The following UQCRC1 variants were observed in gnomAD, a reference collection of about 807,000 sequenced individuals.
UQCRC1 encodes the protein ubiquinol-cytochrome c reductase core protein 1.
In UQCRC1, 34 loss-of-function variants were observed where a neutral mutation model predicts 58.0. The observed-to-expected ratio is 0.59, with a 90% CI of 0.45 to 0.78. The LOEUF (loss-of-function observed/expected upper bound fraction) is 0.78. Ranked by LOEUF, UQCRC1 falls within the 30% of genes least tolerant of loss-of-function variation. The probability of loss-of-function intolerance (pLI) is 0.00; values close to 1 mark genes in which losing one functional copy is unlikely to be tolerated. For missense variants in UQCRC1, 610 were observed against 646.0 expected (o/e 0.94, Z 0.60); for synonymous variants, 276 against 248.8 (o/e 1.11, Z -1.03).
intron 2 of UQCRC1, 75 bp downstream of exon 2, chr3:48,609,087 A>G (rs2046438854): frequency 1.3e-6 from 2 of 1,531,610 alleles, no homozygotes; most frequent in Middle Eastern, 1.8e-4. Context: ...CTCGAGCCCA[A>G]GGTCACACCC....
chr3:48,603,551 T>A lies in UQCRC1; in HGVS notation c.706+13A>T. 1 of 1,613,100 alleles carries A rather than the reference T, an allele frequency of 6.2e-7. No individual in the cohort carries two copies. The highest frequency in any genetic ancestry group is 8.5e-7 in the Non-Finnish European group (1 of 1,179,802). Reference sequence around the variant, plus strand: ...ACCCCACTACCCAGGACTTCAGTGATTCCATCACTCACCTCCAGCTGCTGC... The same window carrying A: ...ACCCCACTACCCAGGACTTCAGTGAATCCATCACTCACCTCCAGCTGCTGC... On this transcript the variant is annotated intron_variant, in intron 6 of 12. Transcript: ENST00000203407.
chr3:48,602,261 C>A (rs2046373162), intron 6 of UQCRC1, among the ~76,000 whole-genome samples: 1 of 151,922 alleles, frequency 6.6e-6, no homozygotes, highest in African/African-American at 2.4e-5. Context: ...CTGTGTTAGC[C>A]AGGATGGTCT....
Position 48,600,543 on chromosome 3 carries a change from C to T in UQCRC1, c.1152G>A (p.Thr384=), listed in dbSNP as rs150460429. 78 of 1,614,086 alleles carry T rather than the reference C, an allele frequency of 4.8e-5. No homozygotes were observed. In the African/African-American group the frequency reaches 6.5e-4, roughly 14 times the overall value. The change falls in exon 10 of 13, where the codon ACG becomes ACA. Residue 384 remains threonine (T), a synonymous_variant. Transcript: ENST00000203407. ...GQWMRLCTSA[T]ESEVARGKNI... ...TTTTGCCCCGGGCCACCTCACTCTC[C>T]GTGGCACTGGTACACAGGCGCATCC...
intron 2 of UQCRC1, among the ~76,000 whole-genome samples, chr3:48,607,829 C>CT (rs111580530): frequency 0.032 from 4,566 of 143,754 alleles, 203 homozygotes; most frequent in African/African-American, 0.1. Flanking sequence ...TAAGTAATTT[C>CT]TTTTTTTTTT....
chr3:48,608,973 T>G (rs1452462303), intron 2 of UQCRC1, among the ~76,000 whole-genome samples, 189 bp downstream of exon 2: 1 of 152,204 alleles, frequency 6.6e-6, no homozygotes, highest in African/African-American at 2.4e-5. Flanking sequence ...TGTTGGCTTA[T>G]AGTGAAGATT....
intron 12 of UQCRC1, 23 bp downstream of exon 12, chr3:48,599,612 A>G (rs767199134): frequency 6.2e-7 from 1 of 1,613,064 alleles, no homozygotes; most frequent in African/African-American, 1.3e-5. Flanking sequence ...ATAAACAAAG[A>G]GCAGACCCCC....
chr3:48,603,462 C>G lies in UQCRC1; in HGVS notation c.706+102G>C. Reference sequence around the variant, plus strand: ...CTCAAGGTTAGGGTGGGAGCAGAGTCCCCTGGGGTGAAAGGTCCCCTATGG... The same window carrying G: ...CTCAAGGTTAGGGTGGGAGCAGAGTGCCCTGGGGTGAAAGGTCCCCTATGG... On this transcript the variant is annotated intron_variant, in intron 6 of 12. Transcript: ENST00000203407. 8.7e-6 allele frequency: 10 copies of G among 1,155,418 alleles called. No homozygotes were observed. The South Asian group carries it at 1.2e-4, about 14-fold the overall frequency. The allele number at this position is 1,155,418 out of a possible 1,614,324, so 71.6% of individuals were successfully genotyped here.
chr3:48,599,242 G>T, intron 12 of UQCRC1, 50 bp from the exon 13 acceptor site: 1 of 1,545,862 alleles, frequency 6.5e-7, no homozygotes, highest in South Asian at 1.2e-5. Context: ...CCTGCACAGG[G>T]ACACCTGGCC....
Position 48,609,148 on chromosome 3 carries a change from C to T in UQCRC1, c.210+14G>A. 1 of 1,598,084 alleles carries T rather than the reference C, an allele frequency of 6.3e-7. No individual in the cohort carries two copies. Among genetic ancestry groups the T allele is most frequent in the Non-Finnish European group, 8.6e-7 (1 of 1,168,478 alleles). ...AACCTGGAGGCCCTCTCCCCAAAAG[C>T]GTCCCCAACTCACCGTGCAAGTGGG... On this transcript the variant is annotated intron_variant, in intron 2 of 12. Transcript: ENST00000203407.
At chr3:48,599,306 G>C in intron 12 of UQCRC1, 114 bp from the exon 13 acceptor site, 1 of 1,226,514 alleles carries the variant, frequency 8.2e-7, no homozygotes, top group Non-Finnish European at 1.1e-6. Flanking sequence ...GACAGGCTTT[G>C]AGTGGAAAGA....
chr3:48,599,018 T>G lies in UQCRC1; in HGVS notation c.*110A>C. The stretch of plus-strand genomic sequence containing the variant: ...ATGACACACTTCTCAGCAGAGGATT[T>G]TATTGGTGGTCACCTGTGGCACAGG... On this transcript the variant is annotated 3_prime_UTR_variant, in exon 13 of 13. Coordinates refer to ENST00000203407, the MANE Select transcript of UQCRC1 (RefSeq NM_003365.3). 2.4e-6 allele frequency: 3 copies of G among 1,274,160 alleles called. No individual in the cohort carries two copies. Among genetic ancestry groups the G allele is most frequent in the Non-Finnish European group, 1.1e-6 (1 of 903,222 alleles). 78.9% of individuals were successfully genotyped at this position (1,274,160 alleles called of 1,614,324 possible). A position where few individuals can be genotyped will look rare whatever the true frequency, so the allele number is the denominator to read the frequency against.
chr3:48,609,296 G>A lies in UQCRC1; in HGVS notation c.76C>T (p.Leu26=). 1.9e-6 allele frequency: 3 copies of A among 1,608,144 alleles called. No homozygotes were observed. Among genetic ancestry groups the A allele is most frequent in the Non-Finnish European group, 2.6e-6 (3 of 1,176,320 alleles). ...VLLRARRSPA[L]LRTPALRSTA... is the part of the protein sequence containing the mutation. ...CTCCGCAAGGCTGGCGTCCGCAGCA[G>A]GGCCGGCTGTGGAAGGGAACAGCCG... Residue 26 remains leucine (L), a synonymous_variant, in exon 2 of 13, where the codon CTG becomes TTG. Coordinates refer to ENST00000203407, the MANE Select transcript of UQCRC1 (RefSeq NM_003365.3).
intron 6 of UQCRC1, among the ~76,000 whole-genome samples, 161 bp from the exon 7 acceptor site, chr3:48,601,628 G>C (rs2046367280): frequency 6.6e-6 from 1 of 152,214 alleles, no homozygotes; most frequent in Non-Finnish European, 1.5e-5. Context: ...TCCTCAGACA[G>C]ACCCTGCCTT....
Position 48,599,212 on chromosome 3 carries a change from C to G in UQCRC1, c.1379-20G>C. 6.3e-7 allele frequency: 1 copy of G among 1,583,604 alleles called. No homozygotes were observed. ...TGGGGCCTGTGGGGATAGGGTGGAG[C>G]GTCAGGGTGGGGTACCTGGCCTGCA... is the stretch of plus-strand genomic sequence containing the variant. On this transcript the variant is annotated intron_variant, in intron 12 of 12. Coordinates refer to ENST00000203407, the MANE Select transcript of UQCRC1 (RefSeq NM_003365.3).
At chr3:48,604,815 T>C in intron 3 of UQCRC1, 35 bp from the exon 4 acceptor site, 2 of 1,612,442 alleles carry the variant, frequency 1.2e-6, no homozygotes, top group Non-Finnish European at 1.7e-6. Flanking sequence ...AATCAGGAGC[T>C]ACACAGGAAC....
In UQCRC1 at chr3:48,600,546, G is replaced by A. The variant is rs749192906; in HGVS notation, c.1149C>T (p.Ala383=). 3.7e-6 allele frequency: 6 copies of A among 1,613,944 alleles called. No individual in the cohort carries two copies. Among genetic ancestry groups the A allele is most frequent in the Non-Finnish European group, 5.1e-6 (6 of 1,180,032 alleles). ...QGQWMRLCTS[A]TESEVARGKN... The stretch of plus-strand genomic sequence containing the variant: ...TGCCCCGGGCCACCTCACTCTCCGT[G>A]GCACTGGTACACAGGCGCATCCTAA... The change falls in exon 10 of 13, where the codon GCC becomes GCT. Residue 383 remains alanine, a synonymous_variant. Coordinates refer to ENST00000203407, the MANE Select transcript of UQCRC1 (RefSeq NM_003365.3).
intron 2 of UQCRC1, among the ~76,000 whole-genome samples, chr3:48,607,222 T>C (rs1429283040): frequency 6.6e-6 from 1 of 152,192 alleles, no homozygotes; most frequent in Non-Finnish European, 1.5e-5. Flanking sequence ...TTTGTATTTT[T>C]AGTAGAGACG....
intron 5 of UQCRC1, 169 bp downstream of exon 5, chr3:48,604,064 A>G: frequency 2.7e-6 from 2 of 728,128 alleles, no homozygotes; most frequent in Non-Finnish European, 4.5e-6. Context: ...TGAAGCCCAC[A>G]AAGCCATTAA....
Position 48,609,242 on chromosome 3 carries a change from A to G in UQCRC1, c.130T>C (p.Phe44Leu), listed in dbSNP as rs1175424221. 3.1e-6 allele frequency: 5 copies of G among 1,612,306 alleles called. No homozygotes were observed. The highest frequency in any genetic ancestry group is 4.2e-6 in the Non-Finnish European group (5 of 1,179,236). ...STATFAQALQ[F>L]VPETQVSLLD... is the part of the protein sequence containing the mutation. ...AGGCTAACCTGCGTCTCCGGCACGAACTGGAGCGCCTGAGCGAAGGTTGCC... is the reference window on the plus strand; with the variant it reads ...AGGCTAACCTGCGTCTCCGGCACGAGCTGGAGCGCCTGAGCGAAGGTTGCC... Residue 44 changes from phenylalanine to leucine, a missense_variant, in exon 2 of 13, where the codon TTC (phenylalanine) becomes CTC (leucine). Physicochemically the swap from Phe to Leu is conservative, Grantham distance 22. Coordinates refer to ENST00000203407, the MANE Select transcript of UQCRC1 (RefSeq NM_003365.3).
Sources: gnomAD v4.1 joint callset for allele counts (sites outside exome capture counted in the v4.1 genomes callset) on GRCh38, gnomAD v4.1.1 for gene constraint, MANE v1.5 for transcripts, NCBI Gene and HGNC (gene_info 2026-07-23, HGNC 2026-07-21) for gene names.